NAV3: variants seen among roughly 807,000 people sequenced by gnomAD.
The protein encoded by NAV3 is neuron navigator 3.
NAV3 carries 87 observed loss-of-function variants against 244.7 expected under a neutral mutation model. That is an observed-to-expected ratio of 0.36 (90% CI 0.30 to 0.42). The LOEUF is 0.42. NAV3 is among the 20% of genes least tolerant of loss of function. The pLI, the probability that NAV3 is intolerant of heterozygous loss-of-function variation, is 1.00. For missense variants in NAV3, 2,663 were observed against 2,893.3 expected (o/e 0.92, Z 1.83); for synonymous variants, 1,126 against 1,042.2 (o/e 1.08, Z -1.55).
chr12:78,096,712 G>A (rs1468978724), intron 12 of NAV3, among the ~76,000 whole-genome samples: 8 of 152,092 alleles, frequency 5.3e-5, no homozygotes, highest in African/African-American at 1.9e-4. Context: ...CTGCCACTGG[G>A]ACCCTCCCAC....
At chr12:77,874,500 T>C (rs1304069059) in intron 1 of NAV3, among the ~76,000 whole-genome samples, 1 of 152,118 alleles carries the variant, frequency 6.6e-6, no homozygotes, top group Non-Finnish European at 1.5e-5. Flanking sequence ...CATGATTCAG[T>C]ATGCTCAGCC....
chr12:78,180,381 G>C lies in NAV3; in HGVS notation c.5518-490G>C, dbSNP rs1283002084. Among the ~76,000 whole-genome samples the C allele has an allele frequency of 2.6e-5, 4 of 151,810 alleles. 1 individual carries two copies. Among genetic ancestry groups the C allele is most frequent in the Non-Finnish European group, 4.4e-5 (3 of 67,926 alleles). ...ATGAGCTTAGTGTCCCGATTGGAAG[G>C]AAAAAAAGAAACTTTTTCAGATGTT... On this transcript the variant is annotated intron_variant, in intron 29 of 39. Coordinates refer to ENST00000397909, the MANE Select transcript of NAV3 (RefSeq NM_001024383.2).
At chr12:77,609,292 C>T (rs770851943) in intron 2 of NAV3, among the ~76,000 whole-genome samples, 13 of 152,078 alleles carry the variant, frequency 8.5e-5, no homozygotes, top group Non-Finnish European at 1.8e-4. Flanking sequence ...CCTCAACAAC[C>T]TGGCATCACT....
At chr12:77,704,549 A>G (rs556716907) in intron 2 of NAV3, among the ~76,000 whole-genome samples, 2 of 152,320 alleles carry the variant, frequency 1.3e-5, no homozygotes, top group East Asian at 3.9e-4. Flanking sequence ...CATATAAAGC[A>G]AAACACATAA....
At chr12:77,654,447 T>C (rs1171898232) in intron 2 of NAV3, among the ~76,000 whole-genome samples, 2 of 151,990 alleles carry the variant, frequency 1.3e-5, no homozygotes, top group African/African-American at 2.4e-5. Context: ...AACAAAGCAG[T>C]CAGGAAGCTC....
intron 6 of NAV3, among the ~76,000 whole-genome samples, chr12:77,997,611 C>G (rs575836349): frequency 3.3e-5 from 5 of 152,320 alleles, no homozygotes; most frequent in Non-Finnish European, 7.3e-5. Context: ...TGTCATCCAG[C>G]TAACAGTGAT....
At chr12:77,838,208 T>C (rs1248601409) in intron 1 of NAV3, among the ~76,000 whole-genome samples, 2 of 152,224 alleles carry the variant, frequency 1.3e-5, no homozygotes, top group African/African-American at 4.8e-5. Flanking sequence ...GTCATTTTAA[T>C]TGTTTTTGCT....
chr12:77,591,693 G>A (rs1438061005), intron 2 of NAV3, among the ~76,000 whole-genome samples: 11 of 152,308 alleles, frequency 7.2e-5, no homozygotes, highest in Middle Eastern at 3.4e-3. Flanking sequence ...AAAAATGTGT[G>A]TATCCAAGAG....
intron 39 of NAV3, among the ~76,000 whole-genome samples, chr12:78,207,895 G>C (rs1960486333): frequency 6.6e-6 from 1 of 152,194 alleles, no homozygotes; most frequent in Admixed American, 6.5e-5. Context: ...AGGACAGACT[G>C]AAGGAGATAG....
At chr12:78,165,984 G>A (rs913002590) in intron 23 of NAV3, among the ~76,000 whole-genome samples, 10 of 144,344 alleles carry the variant, frequency 6.9e-5, no homozygotes, top group African/African-American at 2.3e-4. Context: ...AAAAAAATAC[G>A]TATGCAATAA....
chr12:77,608,724 A>G (rs1411794992), intron 2 of NAV3, among the ~76,000 whole-genome samples: 1 of 152,068 alleles, frequency 6.6e-6, no homozygotes, highest in Non-Finnish European at 1.5e-5. Context: ...AAGTCTCTTC[A>G]TCTGGTCATT....
rs865786519 is a variant in NAV3, at chr12:77,933,207, C to T, written c.244-7112C>T. Among the ~76,000 whole-genome samples the T allele has an allele frequency of 7.2e-5, 11 of 152,254 alleles. No homozygotes were observed. The Middle Eastern group carries it at 0.01, about 141-fold the overall frequency. The stretch of plus-strand genomic sequence containing the variant: ...TCAGATTTGCATTTTAAAGCAATCA[C>T]TATCTGTAGTGTATAGAATAGTATA... On this transcript the variant is annotated intron_variant, in intron 1 of 39. Transcript: ENST00000397909.
At chr12:77,868,687 T>C (rs974136151) in intron 1 of NAV3, among the ~76,000 whole-genome samples, 1 of 139,504 alleles carries the variant, frequency 7.2e-6, no homozygotes, top group Non-Finnish European at 1.5e-5. Context: ...ACCTGGGAAA[T>C]GGAGGTTGCA....
chr12:78,047,589 A>T (rs556503517), intron 9 of NAV3, among the ~76,000 whole-genome samples: 1 of 152,178 alleles, frequency 6.6e-6, no homozygotes, highest in African/African-American at 2.4e-5. Context: ...TGTTAGTCTG[A>T]TGGGCTTCCC....
At chr12:77,707,003 T>TA (rs1432911065) in intron 2 of NAV3, among the ~76,000 whole-genome samples, 1 of 151,502 alleles carries the variant, frequency 6.6e-6, no homozygotes, top group East Asian at 1.9e-4. Flanking sequence ...CTTGTCTACC[T>TA]ACGAAATTCC....
At chr12:77,771,816 G>T (rs192291247) in intron 2 of NAV3, among the ~76,000 whole-genome samples, 75 of 152,088 alleles carry the variant, frequency 4.9e-4, no homozygotes, top group Non-Finnish European at 9.0e-4. Flanking sequence ...AATGTTAAAT[G>T]ACAAGTTAAT....
At chr12:77,597,121 A>G (rs921644948) in intron 2 of NAV3, among the ~76,000 whole-genome samples, 5 of 152,164 alleles carry the variant, frequency 3.3e-5, no homozygotes, top group Admixed American at 2.0e-4. Context: ...GGTTTTAGGT[A>G]TATAGTGATG....
chr12:77,584,795 C>T (rs1288250232), intron 2 of NAV3, among the ~76,000 whole-genome samples: 37 of 152,050 alleles, frequency 2.4e-4, no homozygotes, highest in Non-Finnish European at 4.9e-4. Context: ...CTATATATGG[C>T]TTGTATAAAA....
At chr12:77,862,309 GTTT>G (rs1412014535) in intron 1 of NAV3, among the ~76,000 whole-genome samples, 1 of 151,788 alleles carries the variant, frequency 6.6e-6, no homozygotes, top group Non-Finnish European at 1.5e-5. Context: ...TTGGTGTGAC[GTTT>G]TAATTATCTA....
Sources: allele counts gnomAD v4.1 joint callset (sites outside exome capture counted in the v4.1 genomes callset), GRCh38; gene constraint gnomAD v4.1.1; transcripts MANE v1.5; gene names NCBI Gene and HGNC (gene_info 2026-07-23, HGNC 2026-07-21).